Variants in COL24A1 observed in about 807,000 individuals in gnomAD.
COL24A1 encodes collagen type XXIV alpha 1 chain, also known as collagen alpha-1(XXIV) chain.
In COL24A1, 224 loss-of-function variants were observed where a neutral mutation model predicts 253.9. That is an observed-to-expected ratio of 0.88 (90% CI 0.79 to 0.99). COL24A1 has a LOEUF of 0.99. Ranked by LOEUF, COL24A1 falls within the 50% of genes least tolerant of loss-of-function variation. The pLI, the probability that COL24A1 is intolerant of heterozygous loss-of-function variation, is 0.00. For synonymous variants in COL24A1, 685 were observed against 673.7 expected, an observed-to-expected ratio of 1.02 and a Z score of -0.26; for missense variants, 2,131 against 2,068.5, an observed-to-expected ratio of 1.03 and a Z score of -0.59.
intron 4 of COL24A1, among the ~76,000 whole-genome samples, chr1:86,114,748 A>G (rs1279915023): frequency 6.6e-6 from 1 of 152,228 alleles, no homozygotes; most frequent in African/African-American, 2.4e-5. Flanking sequence ...TTTGTCATAC[A>G]ATTCTTTTTC....
chr1:86,031,820 C>T, intron 14 of COL24A1, 58 bp downstream of exon 14: 4 of 1,388,036 alleles, frequency 2.9e-6, no homozygotes, highest in Non-Finnish European at 4.0e-6. Flanking sequence ...ACATCTAACA[C>T]ATATAAATTG....
At chr1:86,070,923 C>T (rs1701831161) in intron 7 of COL24A1, among the ~76,000 whole-genome samples, 1 of 151,848 alleles carries the variant, frequency 6.6e-6, no homozygotes, top group Non-Finnish European at 1.5e-5. Context: ...ATAGTAGGTA[C>T]ACAGAAAAAC....
intron 12 of COL24A1, among the ~76,000 whole-genome samples, chr1:86,042,190 T>C (rs527583328): frequency 5.9e-5 from 9 of 152,106 alleles, no homozygotes; most frequent in African/African-American, 2.2e-4. Flanking sequence ...TATGCTAAAA[T>C]CCTGAAATCA....
chr1:85,885,771 C>T (rs1056599356), intron 32 of COL24A1, among the ~76,000 whole-genome samples: 1 of 152,146 alleles, frequency 6.6e-6, no homozygotes, highest in Non-Finnish European at 1.5e-5. Context: ...CAAGGCTGGA[C>T]AGGCTGTTGC....
At chr1:86,109,792 A>C (rs982551390) in intron 5 of COL24A1, among the ~76,000 whole-genome samples, 1 of 152,192 alleles carries the variant, frequency 6.6e-6, no homozygotes, top group African/African-American at 2.4e-5. Context: ...AATGCAATAG[A>C]CTGAATGTTT....
chr1:85,838,617 C>T lies in COL24A1; in HGVS notation c.3649G>A (p.Glu1217Lys), dbSNP rs1395641080. The T allele has an allele frequency of 6.2e-7, 1 of 1,613,978 alleles. No homozygotes were observed. Among genetic ancestry groups the T allele is most frequent in the Non-Finnish European group, 8.5e-7 (1 of 1,179,844 alleles). ...GEPGPVGDQG[E>K]RGEPGAEGYK... ...CCCTCTGCTCCAGGCTCTCCTCTCT[C>T]TCCTTGGTCCCCCACTGGACCCTAC... is the stretch of plus-strand genomic sequence containing the variant. Residue 1217 changes from glutamate (E) to lysine (K), a missense_variant, in exon 43 of 60, where the codon GAG becomes AAG. Physicochemically the swap from Glu to Lys is moderately conservative, Grantham distance 56. Coordinates refer to ENST00000370571, the MANE Select transcript of COL24A1 (RefSeq NM_152890.7).
intron 22 of COL24A1, among the ~76,000 whole-genome samples, chr1:85,968,427 T>C (rs939570209): frequency 6.6e-6 from 1 of 152,196 alleles, no homozygotes; most frequent in African/African-American, 2.4e-5. Flanking sequence ...CATAAAAGCT[T>C]TAGCCACTTA....
At chr1:85,768,587 C>A (rs5775869) in intron 53 of COL24A1, among the ~76,000 whole-genome samples, 4 of 147,096 alleles carry the variant, frequency 2.7e-5, no homozygotes, top group African/African-American at 9.9e-5. Flanking sequence ...TTCTTTTGTG[C>A]GGGGGGAGGG....
At chr1:85,865,184 C>T (rs1398508390) in intron 37 of COL24A1, among the ~76,000 whole-genome samples, 1 of 151,150 alleles carries the variant, frequency 6.6e-6, no homozygotes, top group Non-Finnish European at 1.5e-5. Flanking sequence ...TTATTTCTTT[C>T]TCTCACTCTC....
intron 7 of COL24A1, among the ~76,000 whole-genome samples, chr1:86,086,854 C>A (rs538823381): frequency 6.6e-6 from 1 of 152,246 alleles, no homozygotes; most frequent in African/African-American, 2.4e-5. Context: ...GCCATTATAT[C>A]CTTTTCCTAG....
intron 3 of COL24A1, among the ~76,000 whole-genome samples, chr1:86,121,449 G>A (rs1647332351): frequency 6.6e-6 from 1 of 151,978 alleles, no homozygotes; most frequent in Non-Finnish European, 1.5e-5. Context: ...AACAGATAAA[G>A]AGTTCAGTTA....
chr1:86,048,733 A>T (rs960976735), intron 11 of COL24A1, among the ~76,000 whole-genome samples: 30 of 151,664 alleles, frequency 2.0e-4, no homozygotes, highest in African/African-American at 6.3e-4. Context: ...CTCATGATCC[A>T]CCCGCCTCGG....
chr1:85,915,086 A>T (rs192249509), intron 24 of COL24A1, among the ~76,000 whole-genome samples: 15 of 152,354 alleles, frequency 9.8e-5, no homozygotes, highest in African/African-American at 3.6e-4. Flanking sequence ...TAACATTTAA[A>T]TAGGTAAACT....
Position 85,849,370 on chromosome 1 carries a change from C to A in COL24A1, c.3337G>T (p.Gly1113Cys). ...EGIVGIPGQR[G>C]RPGKKGDKGQ... Reference sequence around the variant, plus strand: ...AAAATTACCTTTTTTCCTGGACGACCTCTTTGCCCTGGAATTCCCACAATT... The same window carrying A: ...AAAATTACCTTTTTTCCTGGACGACATCTTTGCCCTGGAATTCCCACAATT... The change falls in exon 38 of 60, where the codon GGT (glycine) becomes TGT (cysteine). Residue 1113 changes from glycine (G) to cysteine (C), a missense_variant. Gly to Cys is a radical substitution (Grantham distance 159). Coordinates refer to ENST00000370571, the MANE Select transcript of COL24A1 (RefSeq NM_152890.7). The A allele has an allele frequency of 1.2e-6, 2 of 1,612,662 alleles. No individual in the cohort carries two copies. Among genetic ancestry groups the A allele is most frequent in the Non-Finnish European group, 8.5e-7 (1 of 1,179,222 alleles).
At chr1:86,065,819 T>A (rs1701434120) in intron 7 of COL24A1, among the ~76,000 whole-genome samples, 2 of 144,198 alleles carry the variant, frequency 1.4e-5, no homozygotes, top group Non-Finnish European at 3.0e-5. Flanking sequence ...TTTAAAAAAA[T>A]GAAGTTGATT....
intron 10 of COL24A1, among the ~76,000 whole-genome samples, chr1:86,053,296 C>G (rs1483266452): frequency 1.3e-5 from 2 of 151,932 alleles, no homozygotes; most frequent in African/African-American, 4.8e-5. Context: ...ACTAAATAAT[C>G]AATTGATAAC....
chr1:85,911,943 C>A (rs908786173), intron 24 of COL24A1, among the ~76,000 whole-genome samples: 4 of 152,072 alleles, frequency 2.6e-5, no homozygotes, highest in Non-Finnish European at 4.4e-5. Flanking sequence ...CAAATCTAGA[C>A]CCTGCCCTCT....
chr1:85,818,208 A>G (rs1673247931), intron 45 of COL24A1, 121 bp from the exon 46 acceptor site: 2 of 673,456 alleles, frequency 3.0e-6, no homozygotes, highest in South Asian at 2.0e-5. Flanking sequence ...GTTGTATATC[A>G]TTAGGATTGC....
chr1:86,027,013 T>G (rs1698094308), intron 14 of COL24A1, among the ~76,000 whole-genome samples: 1 of 152,098 alleles, frequency 6.6e-6, no homozygotes. Context: ...CTGTGGAACT[T>G]TGAACTTGAG....
Sources: allele counts gnomAD v4.1 joint callset (sites outside exome capture counted in the v4.1 genomes callset), GRCh38; gene constraint gnomAD v4.1.1; transcripts MANE v1.5; gene names NCBI Gene and HGNC (gene_info 2026-07-23, HGNC 2026-07-21).